EXD2: variants seen among roughly 807,000 people sequenced by gnomAD.
EXD2 encodes exonuclease 3'-5' domain containing 2.
In EXD2, 40 loss-of-function variants were observed where a neutral mutation model predicts 62.5. That is an observed-to-expected ratio of 0.64 (90% confidence interval 0.50 to 0.83). The LOEUF is 0.83. Among genes scored for constraint, EXD2 ranks in the 40% least tolerant of loss-of-function variants. The pLI is 0.00. For synonymous variants in EXD2, 239 were observed against 291.9 expected (o/e 0.82, Z 1.85); for missense variants, 671 against 761.8 (o/e 0.88, Z 1.40).
At chr14:69,228,432 T>C (rs1594771369) in intron 3 of EXD2, among the ~76,000 whole-genome samples, 1 of 152,180 alleles carries the variant, frequency 6.6e-6, no homozygotes, top group African/African-American at 2.4e-5. Context: ...CCTCAGGTGA[T>C]CCGCCCGCCT....
chr14:69,209,842 A>C, intron 3 of EXD2, 39 bp downstream of exon 3: 8 of 1,305,076 alleles, frequency 6.1e-6, no homozygotes, highest in Non-Finnish European at 7.2e-6. Flanking sequence ...AAAAAAAAAA[A>C]CAACTTCTGC....
intron 5 of EXD2, among the ~76,000 whole-genome samples, chr14:69,232,321 G>A (rs188461846): frequency 1.2e-4 from 18 of 152,298 alleles, no homozygotes; most frequent in Admixed American, 1.2e-3. Context: ...TGCCTTCACA[G>A]ATACCTGGTG....
intron 5 of EXD2, 138 bp downstream of exon 5, chr14:69,230,736 C>G (rs1013762): frequency 0.28 from 264,930 of 938,928 alleles, 43,072 homozygotes; most frequent in African/African-American, 0.61. Context: ...TGGTGATACT[C>G]CAGCTAACTG....
intron 3 of EXD2, among the ~76,000 whole-genome samples, chr14:69,220,415 C>T (rs1407203825): frequency 2.0e-5 from 3 of 148,962 alleles, no homozygotes; most frequent in African/African-American, 4.9e-5. Flanking sequence ...GGACTACAGG[C>T]GCCCGCCACC....
chr14:69,196,861 G>T (rs2042223827), intron 1 of EXD2, among the ~76,000 whole-genome samples: 1 of 151,662 alleles, frequency 6.6e-6, no homozygotes, highest in Non-Finnish European at 1.5e-5. Context: ...GGCGTCAAGT[G>T]ATCCTCCCAC....
intron 3 of EXD2, chr14:69,228,101 C>T (rs1170151061): frequency 6.6e-6 from 1 of 151,196 alleles, no homozygotes; most frequent in Admixed American, 6.6e-5. Context: ...ACTAGAGTTA[C>T]CTGCGTGTAC....
chr14:69,224,983 G>A (rs1211443886), intron 3 of EXD2, among the ~76,000 whole-genome samples: 1 of 152,058 alleles, frequency 6.6e-6, no homozygotes, highest in Non-Finnish European at 1.5e-5. Flanking sequence ...CAAAAAAAAA[G>A]AATAAAACGC....
At chr14:69,200,478 G>A (rs12880577) in intron 1 of EXD2, among the ~76,000 whole-genome samples, 1,546 of 151,706 alleles carry the variant, frequency 0.01, 22 homozygotes, top group Non-Finnish European at 0.012. Context: ...GAGTCTAGGG[G>A]ATCGCTTGAG....
chr14:69,227,832 TA>T (rs1030397423), intron 3 of EXD2: 9 of 151,930 alleles, frequency 5.9e-5, no homozygotes, highest in Non-Finnish European at 7.4e-5. Context: ...AGACTCCATC[TA>T]AAAAAAAGAA....
chr14:69,199,132 TA>T (rs1454281716), intron 1 of EXD2, among the ~76,000 whole-genome samples: 2 of 152,204 alleles, frequency 1.3e-5, no homozygotes, highest in African/African-American at 2.4e-5. Context: ...TAGCCCCGGC[TA>T]CTCAGGAGGC....
rs1206093080 is a variant in EXD2 at position 69,209,690 on chromosome 14, A to T, written c.220A>T (p.Ile74Phe). 8.4e-6 allele frequency: 13 copies of T among 1,550,478 alleles called. No individual in the cohort carries two copies. The highest frequency in any genetic ancestry group is 1.0e-5 in the Non-Finnish European group (12 of 1,147,010). The change falls in exon 3 of 10, where the codon ATC becomes TTC. Residue 74 changes from isoleucine (I) to phenylalanine (F), a missense_variant. Physicochemically the swap from Ile to Phe is conservative, Grantham distance 21. Transcript: ENST00000685843. ...SAPRSSWKER[I>F]LKAKVVTVSQ... ...CCCCAGATCCTCGTGGAAGGAACGG[A>T]TCCTTAAAGCAAAGGTGGTGACGGT...
intron 1 of EXD2, among the ~76,000 whole-genome samples, chr14:69,194,462 A>C (rs1341602000): frequency 6.6e-6 from 1 of 151,884 alleles, no homozygotes; most frequent in Non-Finnish European, 1.5e-5. Flanking sequence ...TTGAACCATT[A>C]ATCCGAAATG....
intron 1 of EXD2, among the ~76,000 whole-genome samples, chr14:69,203,386 C>T (rs2042473218): frequency 6.6e-6 from 1 of 152,074 alleles, no homozygotes; most frequent in East Asian, 1.9e-4. Flanking sequence ...TCAAGTATTG[C>T]GTATAGACCT....
intron 1 of EXD2, among the ~76,000 whole-genome samples, chr14:69,198,456 T>C (rs771685375): frequency 6.6e-6 from 1 of 152,234 alleles, no homozygotes; most frequent in Non-Finnish European, 1.5e-5. Context: ...ATTAGTACCA[T>C]GGTGGTCTCA....
At chr14:69,220,795 G>A (rs1256977380) in intron 3 of EXD2, among the ~76,000 whole-genome samples, 1 of 151,964 alleles carries the variant, frequency 6.6e-6, no homozygotes, top group African/African-American at 2.4e-5. Flanking sequence ...CTTGAAACCG[G>A]AAGGCAGAGG....
At chr14:69,230,430 C>T in intron 4 of EXD2, 42 bp from the exon 5 acceptor site, 1 of 1,456,848 alleles carries the variant, frequency 6.9e-7, no homozygotes, top group South Asian at 1.3e-5. Flanking sequence ...TGTCCATGTC[C>T]TTTGCCCGTT....
At chr14:69,240,475 C>A (rs1407559034) in intron 9 of EXD2, among the ~76,000 whole-genome samples, 1 of 152,158 alleles carries the variant, frequency 6.6e-6, no homozygotes, top group Non-Finnish European at 1.5e-5. Context: ...GTGTAACATG[C>A]GGGCCGATTT....
Position 69,220,253 on chromosome 14 carries a change from G to GTTTTTTTTTTTTTTTTTTTTTT in EXD2, c.334-8549_334-8528dup, listed in dbSNP as rs869194045. Among the ~76,000 whole-genome samples, 6 of 35,114 alleles carry GTTTTTTTTTTTTTTTTTTTTTT rather than the reference G, an allele frequency of 1.7e-4. 3 individuals carry two copies. The highest frequency in any genetic ancestry group is 7.3e-4 in the African/African-American group (6 of 8,216). 23.0% of individuals were successfully genotyped at this position (35,114 alleles called of 152,430 possible). On this transcript the variant is annotated intron_variant, in intron 3 of 9. Coordinates refer to ENST00000685843, the MANE Select transcript of EXD2 (RefSeq NM_001193360.2). The stretch of plus-strand genomic sequence containing the variant: ...CTCTCAGCAAGTGTTTTGTCTCTCT[G>GTTTTTTTTTTTTTTTTTTTTTT]TTTTTTTTTTTTTTTTTTTTTTTTT...
chr14:69,235,292 A>C (rs1445224450), intron 6 of EXD2, among the ~76,000 whole-genome samples: 1 of 152,148 alleles, frequency 6.6e-6, no homozygotes, highest in Non-Finnish European at 1.5e-5. Flanking sequence ...TAGTTCTGTC[A>C]TTGACCCTGA....
Sources: allele counts gnomAD v4.1 joint callset (sites outside exome capture counted in the v4.1 genomes callset), GRCh38; gene constraint gnomAD v4.1.1; transcripts MANE v1.5; gene names NCBI Gene and HGNC (gene_info 2026-07-23, HGNC 2026-07-21).